The following NCAM1 variants were observed in gnomAD, a reference collection of about 807,000 sequenced individuals.
NCAM1 encodes antigen recognized by monoclonal antibody 5.1H11.
In NCAM1, 14 loss-of-function variants were observed where a neutral mutation model predicts 109.8. The ratio of observed to expected loss-of-function variants is 0.13; its 90% CI spans 0.08 to 0.20. The LOEUF (loss-of-function observed/expected upper bound fraction) is 0.20. NCAM1 is among the 10% of genes least tolerant of loss of function. NCAM1 has a pLI of 1.00. For synonymous variants in NCAM1, 418 were observed against 442.9 expected (o/e 0.94, Z 0.70); for missense variants, 774 against 1,109.9 (o/e 0.70, Z 4.30).
chr11:113,010,804 G>C (rs1396187834), intron 1 of NCAM1, among the ~76,000 whole-genome samples: 2 of 152,134 alleles, frequency 1.3e-5, no homozygotes, highest in African/African-American at 4.8e-5. Context: ...CACATGAAAA[G>C]TTACATGACA....
Position 113,277,777 on chromosome 11 carries a change from ACT to A in NCAM1, c.*2393_*2394del, listed in dbSNP as rs1251596390. On this transcript the variant is annotated 3_prime_UTR_variant, in exon 20 of 20. Coordinates refer to ENST00000316851, the MANE Select transcript of NCAM1 (RefSeq NM_181351.5). ...GCTCTGCCATTAGCTAGGACCTAAG[ACT>A]CTGCCCACATTTTGGTCTGTTCTCT... 15 of 183,758 alleles carry A rather than the reference ACT, an allele frequency of 8.2e-5. No individual in the cohort carries two copies. Among genetic ancestry groups the A allele is most frequent in the African/African-American group, 2.6e-4 (10 of 38,262 alleles). 11.4% of individuals were successfully genotyped at this position (183,758 alleles called of 1,614,324 possible). A position where few individuals can be genotyped will look rare whatever the true frequency, so the allele number is the denominator to read the frequency against.
intron 1 of NCAM1, among the ~76,000 whole-genome samples, chr11:112,972,931 C>T (rs535566451): frequency 7.2e-5 from 11 of 152,062 alleles, no homozygotes; most frequent in African/African-American, 1.9e-4. Context: ...TGCATCACCA[C>T]GGAAAAGAGC....
intron 1 of NCAM1, among the ~76,000 whole-genome samples, chr11:113,064,306 C>T (rs1292595415): frequency 6.6e-6 from 1 of 152,166 alleles, no homozygotes; most frequent in Non-Finnish European, 1.5e-5. Flanking sequence ...TTTCTCAGTG[C>T]CTCCAGGCAG....
chr11:113,071,153 G>C (rs1207922142), intron 1 of NCAM1, among the ~76,000 whole-genome samples: 1 of 152,156 alleles, frequency 6.6e-6, no homozygotes, highest in African/African-American at 2.4e-5. Context: ...AATCCCAATA[G>C]ATGACAGGTG....
In NCAM1 at chr11:113,077,886, C is replaced by T. The variant is rs145691948; in HGVS notation, c.52+116222C>T. The stretch of plus-strand genomic sequence containing the variant: ...ATTTTTAGTAGAGACAGGGTTTCAT[C>T]ATGTTAGTCAGGCTGGTCTCAAACT... On this transcript the variant is annotated intron_variant, in intron 1 of 19. Coordinates refer to ENST00000316851, the MANE Select transcript of NCAM1 (RefSeq NM_181351.5). Among the ~76,000 whole-genome samples the T allele has an allele frequency of 3.3e-3, 507 of 152,184 alleles. 3 individuals carry two copies. The highest frequency in any genetic ancestry group is 0.011 in the African/African-American group (463 of 41,506).
chr11:113,082,502 C>A (rs1938872666), intron 1 of NCAM1, among the ~76,000 whole-genome samples: 1 of 152,180 alleles, frequency 6.6e-6, no homozygotes, highest in Non-Finnish European at 1.5e-5. Context: ...TGAATAGTTG[C>A]TAACTATAAT....
At chr11:113,265,701 C>T (rs1436765548) in intron 17 of NCAM1, among the ~76,000 whole-genome samples, 1 of 152,130 alleles carries the variant, frequency 6.6e-6, no homozygotes, top group African/African-American at 2.4e-5. Flanking sequence ...AGCAAGCAGA[C>T]ATGTAAAGGG....
At position 113,109,075 on chromosome 11, in the gene NCAM1, C is replaced by T. The variant is rs531661077; in HGVS notation, c.53-93304C>T. Among the ~76,000 whole-genome samples, 668 of 145,942 alleles carry T rather than the reference C, an allele frequency of 4.6e-3. 3 individuals carry two copies. Among genetic ancestry groups the T allele is most frequent in the Non-Finnish European group, 7.4e-3 (494 of 66,610 alleles). On this transcript the variant is annotated intron_variant, in intron 1 of 19. Coordinates refer to ENST00000316851, the MANE Select transcript of NCAM1 (RefSeq NM_181351.5). ...TTAAGAGGAGTGAGGAGGCCGGGTG[C>T]GGTGGCTCATGCCTGTAATCCCAGC... is the stretch of plus-strand genomic sequence containing the variant.
intron 9 of NCAM1, among the ~76,000 whole-genome samples, chr11:113,225,591 G>A (rs1555116065): frequency 6.6e-6 from 1 of 152,118 alleles, no homozygotes; most frequent in Admixed American, 6.5e-5. Context: ...AGTCCACAAA[G>A]ATACTCCTTG....
chr11:113,221,191 A>C, intron 8 of NCAM1, 105 bp from the exon 9 acceptor site: 2 of 1,164,800 alleles, frequency 1.7e-6, no homozygotes, highest in Non-Finnish European at 2.4e-6. Context: ...TCTGAATTAA[A>C]GAAAAGCTGC....
At chr11:113,097,004 CT>C (rs759294957) in intron 1 of NCAM1, among the ~76,000 whole-genome samples, 1 of 152,186 alleles carries the variant, frequency 6.6e-6, no homozygotes, top group Non-Finnish European at 1.5e-5. Flanking sequence ...TGAACCCCCC[CT>C]GCCCTGTGCC....
intron 1 of NCAM1, among the ~76,000 whole-genome samples, chr11:113,064,272 G>A (rs146661543): frequency 1.3e-5 from 2 of 152,186 alleles, no homozygotes; most frequent in Non-Finnish European, 2.9e-5. Context: ...AATGGGTCAT[G>A]AGACTGTGTG....
chr11:113,237,905 G>T (rs1226674046), intron 14 of NCAM1, among the ~76,000 whole-genome samples: 33 of 138,996 alleles, frequency 2.4e-4, no homozygotes, highest in African/African-American at 7.8e-4. Context: ...TAGATATATA[G>T]ATATATATAG....
At chr11:113,193,034 A>T (rs1407318652) in intron 1 of NCAM1, among the ~76,000 whole-genome samples, 1 of 152,276 alleles carries the variant, frequency 6.6e-6, no homozygotes, top group East Asian at 1.9e-4. Context: ...GTTGTGTTCT[A>T]TATAAGACTG....
chr11:113,275,171 C>A, intron 19 of NCAM1, 96 bp from the exon 20 acceptor site: 4 of 1,494,130 alleles, frequency 2.7e-6, no homozygotes, highest in Non-Finnish European at 3.6e-6. Context: ...CACTGGAGAA[C>A]CCCTCCTCCT....
At chr11:113,275,160 T>C (rs1946375505) in intron 19 of NCAM1, 107 bp from the exon 20 acceptor site, 1 of 1,434,904 alleles carries the variant, frequency 7.0e-7, no homozygotes, top group Admixed American at 2.3e-5. Context: ...CCGGGTGCTG[T>C]CACTGGAGAA....
Position 113,232,216 on chromosome 11 carries a change from G to A in NCAM1, c.1287G>A (p.Gly429=), listed in dbSNP as rs1945031262. 2 of 1,613,210 alleles carry A rather than the reference G, an allele frequency of 1.2e-6. No homozygotes were observed. Among genetic ancestry groups the A allele is most frequent in the South Asian group, 1.1e-5 (1 of 90,916 alleles). ...QGPVAVYTWE[G]NQVNITCEVF... is the part of the protein sequence containing the mutation. Reference sequence around the variant, plus strand: ...CTGTGGCTGTGTACACTTGGGAGGGGAACCAGGTGAACATCACCTGCGAGG... The same window carrying A: ...CTGTGGCTGTGTACACTTGGGAGGGAAACCAGGTGAACATCACCTGCGAGG... Residue 429 remains glycine, a synonymous_variant, in exon 11 of 20, where the codon GGG becomes GGA. Coordinates refer to ENST00000316851, the MANE Select transcript of NCAM1 (RefSeq NM_181351.5).
chr11:113,039,514 A>G (rs1213680696), intron 1 of NCAM1, among the ~76,000 whole-genome samples: 2 of 152,250 alleles, frequency 1.3e-5, no homozygotes, highest in African/African-American at 4.8e-5. Flanking sequence ...GACAAGTTGT[A>G]CAATTTAGTT....
intron 5 of NCAM1, among the ~76,000 whole-genome samples, chr11:113,206,472 A>G (rs1944243032): frequency 6.6e-6 from 1 of 150,880 alleles, no homozygotes; most frequent in Admixed American, 6.6e-5. Flanking sequence ...ATTAATCCTC[A>G]TTGTCCTTGA....
Sources: allele counts gnomAD v4.1 joint callset (sites outside exome capture counted in the v4.1 genomes callset), GRCh38; gene constraint gnomAD v4.1.1; transcripts MANE v1.5; gene names NCBI Gene and HGNC (gene_info 2026-07-23, HGNC 2026-07-21).